The following ZFAT variants were observed in gnomAD, a reference collection of about 807,000 sequenced individuals.
ZFAT encodes zinc finger and AT-hook domain containing.
Under a neutral mutation model 117.7 loss-of-function variants are expected in ZFAT, and 64 were observed. The observed-to-expected ratio is 0.54, with a 90% CI of 0.44 to 0.67. The LOEUF (loss-of-function observed/expected upper bound fraction) is 0.67, where lower values mean the gene tolerates loss of function less well. Ranked by LOEUF, ZFAT falls within the 30% of genes least tolerant of loss-of-function variation. The pLI, the probability that ZFAT is intolerant of heterozygous loss-of-function variation, is 0.00. For synonymous variants in ZFAT, 679 were observed against 615.0 expected (o/e 1.10, Z -1.54); for missense variants, 1,433 against 1,584.5 (o/e 0.90, Z 1.62).
chr8:134,734,359 G>A, the ZFAT span, among the ~76,000 whole-genome samples: 47 of 152,326 alleles, frequency 3.1e-4, no homozygotes, highest in East Asian at 4.0e-3. Flanking sequence ...TTTATTTTTA[G>A]GAAAGATGCT....
At chr8:134,565,476 G>T in intron 10 of ZFAT, 55 bp from the exon 11 acceptor site, 1 of 1,526,706 alleles carries the variant, frequency 6.6e-7, no homozygotes, top group Non-Finnish European at 9.0e-7. Flanking sequence ...CTCCCACTGT[G>T]AATGAAGTGC....
chr8:134,813,231 A>G, the ZFAT span, among the ~76,000 whole-genome samples: 46,428 of 152,080 alleles, frequency 0.31, 7,760 homozygotes, highest in African/African-American at 0.44. Flanking sequence ...TTTTTATATC[A>G]GTTTTATATT....
intron 12 of ZFAT, among the ~76,000 whole-genome samples, chr8:134,532,064 A>C (rs1013011829): frequency 6.6e-6 from 1 of 152,080 alleles, no homozygotes. Flanking sequence ...ATATAAATAC[A>C]ACAGAATTCA....
At chr8:134,583,665 C>T (rs1825866437) in intron 10 of ZFAT, among the ~76,000 whole-genome samples, 167 bp downstream of exon 10, 2 of 152,184 alleles carry the variant, frequency 1.3e-5, no homozygotes, top group African/African-American at 4.8e-5. Context: ...GCACTGAGCA[C>T]AGGAATGGGA....
upstream of ZFAT, among the ~76,000 whole-genome samples, chr8:134,716,404 T>C (rs567258894): frequency 6.6e-6 from 1 of 152,176 alleles, no homozygotes; most frequent in South Asian, 2.1e-4. Context: ...GGAAACAGCA[T>C]CTTTTCCACC....
the ZFAT span, among the ~76,000 whole-genome samples, chr8:134,781,503 A>G: frequency 1.3e-5 from 2 of 152,320 alleles, no homozygotes; most frequent in African/African-American, 4.8e-5. Flanking sequence ...AGTCTTCCAG[A>G]TATCAGTGGA....
the ZFAT span, among the ~76,000 whole-genome samples, chr8:134,772,604 T>C: frequency 6.6e-6 from 1 of 152,334 alleles, no homozygotes; most frequent in South Asian, 2.1e-4. Flanking sequence ...AAGTGCAAGA[T>C]GAAATAGCAA....
At chr8:134,771,910 G>A in the ZFAT span, among the ~76,000 whole-genome samples, 1 of 152,196 alleles carries the variant, frequency 6.6e-6, no homozygotes, top group Non-Finnish European at 1.5e-5. Context: ...TTATGTGGAT[G>A]GAGGCAGGCA....
chr8:134,565,568 A>C, intron 10 of ZFAT, 147 bp from the exon 11 acceptor site: 1 of 781,374 alleles, frequency 1.3e-6, no homozygotes, highest in Non-Finnish European at 2.2e-6. Context: ...CGAGGTGCAC[A>C]GGCACAATGC....
At chr8:134,651,698 G>A (rs1831256228) in intron 2 of ZFAT, among the ~76,000 whole-genome samples, 1 of 152,132 alleles carries the variant, frequency 6.6e-6, no homozygotes, top group South Asian at 2.1e-4. Context: ...TTAAGTCACA[G>A]AAAGATAATG....
In ZFAT at chr8:134,509,744, G is replaced by T. The variant is rs200421725; in HGVS notation, c.3367C>A (p.Arg1123=). The change falls in exon 15 of 16, where the codon CGA becomes AGA. Residue 1123 remains arginine, a synonymous_variant. Coordinates refer to ENST00000377838, the MANE Select transcript of ZFAT (RefSeq NM_020863.4). ...ATGTTCACGGCCGTGGGGTCCAGTC[G>T]GTCGCCTTAAGAGGAAGAAGCAAAG... is the stretch of plus-strand genomic sequence containing the variant. The part of the protein sequence containing the change: ...DLRYTSESGD[R]LDPTAVNILQ... 1 of 1,602,240 alleles carries T rather than the reference G, an allele frequency of 6.2e-7. No homozygotes were observed. The highest frequency in any genetic ancestry group is 8.5e-7 in the Non-Finnish European group (1 of 1,175,838).
At chr8:134,625,134 C>T (rs1829409776) in intron 3 of ZFAT, among the ~76,000 whole-genome samples, 1 of 152,224 alleles carries the variant, frequency 6.6e-6, no homozygotes, top group South Asian at 2.1e-4. Context: ...TCGCCCTCTT[C>T]CCTTAGGCTT....
chr8:134,700,330 C>G (rs921358543), intron 1 of ZFAT, among the ~76,000 whole-genome samples: 1 of 152,186 alleles, frequency 6.6e-6, no homozygotes, highest in African/African-American at 2.4e-5. Flanking sequence ...GGGGACCCCA[C>G]AAACACCCAA....
At chr8:134,801,505 C>A in the ZFAT span, among the ~76,000 whole-genome samples, 74 of 152,294 alleles carry the variant, frequency 4.9e-4, no homozygotes, top group Non-Finnish European at 8.5e-4. Context: ...AGGAACCTCG[C>A]CAGTCTCTAC....
the ZFAT span, among the ~76,000 whole-genome samples, chr8:134,752,215 G>A: frequency 6.6e-6 from 1 of 152,132 alleles, no homozygotes; most frequent in Admixed American, 6.5e-5. Flanking sequence ...TGCTGTCTGA[G>A]CTCTCTCTAA....
chr8:134,795,205 G>C, the ZFAT span: 1 of 152,190 alleles, frequency 6.6e-6, no homozygotes, highest in Admixed American at 6.5e-5. Flanking sequence ...AATGAATGTT[G>C]CTGGGGACCC....
chr8:134,606,366 A>G (rs1018561394), intron 5 of ZFAT, among the ~76,000 whole-genome samples: 1 of 152,254 alleles, frequency 6.6e-6, no homozygotes, highest in Admixed American at 6.5e-5. Flanking sequence ...CTATAAAGCA[A>G]AATGTTTGTG....
At chr8:134,555,486 C>T (rs1823507838) in intron 11 of ZFAT, among the ~76,000 whole-genome samples, 1 of 152,198 alleles carries the variant, frequency 6.6e-6, no homozygotes, top group African/African-American at 2.4e-5. Flanking sequence ...AGGAGAGCAG[C>T]CAAGCCTGCT....
chr8:134,485,209 G>C (rs1817582764), intron 15 of ZFAT, among the ~76,000 whole-genome samples: 1 of 152,180 alleles, frequency 6.6e-6, no homozygotes, highest in Admixed American at 6.5e-5. Context: ...GGGTCCTGGG[G>C]AGTTATGTAG....
Sources: gnomAD v4.1 joint callset for allele counts (sites outside exome capture counted in the v4.1 genomes callset) on GRCh38, gnomAD v4.1.1 for gene constraint, MANE v1.5 for transcripts, NCBI Gene and HGNC (gene_info 2026-07-23, HGNC 2026-07-21) for gene names.